PLCG2: variants seen among roughly 807,000 people sequenced by gnomAD.
The protein encoded by PLCG2 is 1-phosphatidylinositol 4,5-bisphosphate phosphodiesterase gamma-2.
In PLCG2, 69 loss-of-function variants were observed where a neutral mutation model predicts 175.6. The observed-to-expected ratio is 0.39, with a 90% CI of 0.32 to 0.48. The LOEUF (loss-of-function observed/expected upper bound fraction) is 0.48, where lower values mean the gene tolerates loss of function less well. Ranked by LOEUF, PLCG2 falls within the 20% of genes least tolerant of loss-of-function variation. The pLI is 0.91. For synonymous variants in PLCG2, 827 were observed against 624.0 expected (o/e 1.33, Z -4.85); for missense variants, 1,798 against 1,650.9 (o/e 1.09, Z -1.54).
intron 30 of PLCG2, among the ~76,000 whole-genome samples, chr16:81,940,923 A>G (rs756399875): frequency 1.1e-4 from 17 of 152,112 alleles, no homozygotes; most frequent in Admixed American, 5.2e-4. Flanking sequence ...CTCTTCCTTT[A>G]GTATTTCTGA....
chr16:81,931,553 C>A lies in PLCG2; in HGVS notation c.2638C>A (p.Gln880Lys), dbSNP rs3189935. ...CTTTGTCTTCATCCTGGAGCCCAAG[C>A]AGCAGGGCGATCCTCCGGTGGAGTT... ...KSFVFILEPK[Q>K]QGDPPVEFAT... The change falls in exon 25 of 33, where the codon CAG becomes AAG. Residue 880 changes from glutamine (Q) to lysine (K), a missense_variant. Coordinates refer to ENST00000564138, the MANE Select transcript of PLCG2 (RefSeq NM_002661.5). The A allele has an allele frequency of 6.2e-7, 1 of 1,614,042 alleles. No individual in the cohort carries two copies. The highest frequency in any genetic ancestry group is 1.1e-5 in the South Asian group (1 of 91,078).
At chr16:81,853,353 A>G (rs1002605724) in intron 2 of PLCG2, among the ~76,000 whole-genome samples, 26 of 146,924 alleles carry the variant, frequency 1.8e-4, no homozygotes, top group African/African-American at 6.3e-4. Flanking sequence ...CAAAACAACA[A>G]AAAAAAACCA....
intron 2 of PLCG2, among the ~76,000 whole-genome samples, chr16:81,811,203 C>T (rs554044639): frequency 6.6e-6 from 1 of 152,238 alleles, no homozygotes; most frequent in Non-Finnish European, 1.5e-5. Flanking sequence ...TGTGTGACTC[C>T]CTCCTTGGGT....
At chr16:81,900,565 A>T (rs1446307492) in intron 13 of PLCG2, 47 bp from the exon 14 acceptor site, 1 of 1,523,688 alleles carries the variant, frequency 6.6e-7, no homozygotes, top group Middle Eastern at 2.2e-4. Flanking sequence ...GCAGATGCAG[A>T]GGTGTGTGCT....
At chr16:81,905,089 G>A (rs1220811506) in intron 14 of PLCG2, among the ~76,000 whole-genome samples, 1 of 152,230 alleles carries the variant, frequency 6.6e-6, no homozygotes, top group Non-Finnish European at 1.5e-5. Context: ...GTTTTGCCAT[G>A]TTGGCCAGGC....
intron 13 of PLCG2, among the ~76,000 whole-genome samples, chr16:81,899,844 A>G (rs1169710323): frequency 6.6e-6 from 1 of 152,210 alleles, no homozygotes; most frequent in African/African-American, 2.4e-5. Flanking sequence ...GTGTCTTTAA[A>G]CAGAAACACA....
rs1228011799 is a variant in PLCG2, at chr16:81,961,393, T to A, written c.*3395T>A. The A allele has an allele frequency of 8.8e-6, 2 of 226,762 alleles. No homozygotes were observed. The highest frequency in any genetic ancestry group is 1.8e-5 in the Non-Finnish European group (2 of 114,138). 14.0% of individuals were successfully genotyped at this position (226,762 alleles called of 1,614,324 possible). On this transcript the variant is annotated 3_prime_UTR_variant, in exon 33 of 33. Coordinates refer to ENST00000564138, the MANE Select transcript of PLCG2 (RefSeq NM_002661.5). ...TTAAGTGATACATTTCCAAAGAAGT[T>A]TTACTATGTTTAATAATTTAGTGAA...
chr16:81,934,336 A>G, intron 25 of PLCG2, 93 bp from the exon 26 acceptor site: 6 of 751,618 alleles, frequency 8.0e-6, no homozygotes, highest in East Asian at 7.5e-5. Flanking sequence ...TGTGCAAGAA[A>G]GCAAAGTGGG....
At chr16:81,847,733 A>G (rs918194242) in intron 2 of PLCG2, among the ~76,000 whole-genome samples, 4 of 152,214 alleles carry the variant, frequency 2.6e-5, no homozygotes, top group African/African-American at 9.6e-5. Flanking sequence ...TTCCCTGAGC[A>G]ATACAGTATA....
At chr16:81,812,239 C>T (rs994044882) in intron 2 of PLCG2, among the ~76,000 whole-genome samples, 40 of 151,778 alleles carry the variant, frequency 2.6e-4, no homozygotes, top group Admixed American at 2.6e-4. Flanking sequence ...TTAGTAGAGA[C>T]GAAGTTTCAC....
At chr16:81,790,915 C>T (rs974962881) in intron 2 of PLCG2, among the ~76,000 whole-genome samples, 9 of 152,118 alleles carry the variant, frequency 5.9e-5, no homozygotes, top group Admixed American at 3.3e-4. Flanking sequence ...GGACAGTCCG[C>T]ACCACAGAGA....
At chr16:81,818,181 G>T (rs1373089127) in intron 2 of PLCG2, among the ~76,000 whole-genome samples, 1 of 152,118 alleles carries the variant, frequency 6.6e-6, no homozygotes, top group African/African-American at 2.4e-5. Context: ...GGATTGCTTC[G>T]GCCCTCTGTG....
rs759622571 is a variant in PLCG2, at chr16:81,905,426, C to T, written c.1386C>T (p.Gly462=). 5.0e-5 allele frequency: 80 copies of T among 1,613,936 alleles called. No homozygotes were observed. The highest frequency in any genetic ancestry group is 4.2e-4 in the South Asian group (38 of 91,076). ...IIKHKKLGPR[G]DVDVNMEDKK... ...AGCATAAGAAGCTGGGCCCCCGAGG[C>T]GATGTGGATGTCAACATGGAGGACA... Residue 462 remains glycine, a synonymous_variant, in exon 15 of 33, where the codon GGC becomes GGT. Coordinates refer to ENST00000564138, the MANE Select transcript of PLCG2 (RefSeq NM_002661.5).
At chr16:81,867,159 C>T (rs1567506520) in intron 5 of PLCG2, among the ~76,000 whole-genome samples, 1 of 152,218 alleles carries the variant, frequency 6.6e-6, no homozygotes, top group African/African-American at 2.4e-5. Flanking sequence ...TCACACTGGA[C>T]CGTCTCCAGG....
In PLCG2 at chr16:81,859,146, T is replaced by G; in HGVS notation, c.462T>G (p.Asp154Glu). The G allele has an allele frequency of 6.3e-7, 1 of 1,596,852 alleles. No homozygotes were observed. The highest frequency in any genetic ancestry group is 8.6e-7 in the Non-Finnish European group (1 of 1,164,224). ...SWLRKQIYSV[D>E]QTRRNSISLR... ...TGAGAAAGCAGATATATTCTGTGGA[T>G]CAAACCAGAAGAAACAGGTAAGAGT... Residue 154 changes from aspartate to glutamate, a missense_variant, in exon 5 of 33, where the codon GAT (aspartate) becomes GAG (glutamate). Asp to Glu is a conservative substitution (Grantham distance 45). Coordinates refer to ENST00000564138, the MANE Select transcript of PLCG2 (RefSeq NM_002661.5).
intron 1 of PLCG2, among the ~76,000 whole-genome samples, chr16:81,753,231 C>T (rs183462060): frequency 2.0e-5 from 3 of 152,150 alleles, no homozygotes; most frequent in Admixed American, 2.0e-4. Flanking sequence ...GTCCACACAG[C>T]ACGAGCTTTA....
intron 15 of PLCG2, among the ~76,000 whole-genome samples, chr16:81,905,962 C>G (rs187474545): frequency 1.8e-4 from 27 of 152,266 alleles, no homozygotes; most frequent in African/African-American, 6.0e-4. Flanking sequence ...GCCTGGCCAA[C>G]TTTATTTTCC....
chr16:81,956,188 C>T (rs1394436011), intron 31 of PLCG2, among the ~76,000 whole-genome samples: 1 of 152,204 alleles, frequency 6.6e-6, no homozygotes, highest in Non-Finnish European at 1.5e-5. Flanking sequence ...ATTCACTTAG[C>T]ATAATGTTTT....
intron 2 of PLCG2, among the ~76,000 whole-genome samples, chr16:81,770,131 G>A (rs1055543273): frequency 6.6e-6 from 1 of 151,924 alleles, no homozygotes; most frequent in Admixed American, 6.6e-5. Context: ...TTTTATTGAT[G>A]CATAACAACG....
Sources: allele counts gnomAD v4.1 joint callset (sites outside exome capture counted in the v4.1 genomes callset), GRCh38; gene constraint gnomAD v4.1.1; transcripts MANE v1.5; gene names NCBI Gene and HGNC (gene_info 2026-07-23, HGNC 2026-07-21).